GRIK2: variants seen among roughly 807,000 people sequenced by gnomAD.
GRIK2 encodes the protein glutamate receptor ionotropic, kainate 2.
In GRIK2, 32 loss-of-function variants were observed where a neutral mutation model predicts 100.3. The observed-to-expected ratio is 0.32, with a 90% CI of 0.24 to 0.43. GRIK2 has a LOEUF of 0.43. Among genes scored for constraint, GRIK2 ranks in the 20% least tolerant of loss-of-function variants. The pLI is 1.00. For synonymous variants in GRIK2, 417 were observed against 389.4 expected (o/e 1.07, Z -0.83); for missense variants, 843 against 1,114.9 (o/e 0.76, Z 3.47).
chr6:101,619,601 A>G (rs1161130967), intron 2 of GRIK2, among the ~76,000 whole-genome samples: 1 of 151,990 alleles, frequency 6.6e-6, no homozygotes. Flanking sequence ...TAGAAGATTC[A>G]GTTTTTTGTT....
At chr6:101,780,423 A>C (rs1348782612) in intron 7 of GRIK2, among the ~76,000 whole-genome samples, 1 of 152,044 alleles carries the variant, frequency 6.6e-6, no homozygotes, top group Non-Finnish European at 1.5e-5. Context: ...AATTACTTTA[A>C]CCTTCCTATC....
chr6:101,987,641 C>A (rs1475692996), intron 14 of GRIK2, among the ~76,000 whole-genome samples: 1 of 149,686 alleles, frequency 6.7e-6, no homozygotes, highest in African/African-American at 2.4e-5. Flanking sequence ...ATTATTAAGA[C>A]AATAATATAT....
chr6:101,528,430 TA>T (rs775981165), intron 2 of GRIK2, among the ~76,000 whole-genome samples: 29 of 152,256 alleles, frequency 1.9e-4, no homozygotes, highest in Non-Finnish European at 4.0e-4. Context: ...TCAGGTCAAT[TA>T]AGGTTAGGTT....
At chr6:101,832,487 A>G (rs1417686963) in intron 10 of GRIK2, among the ~76,000 whole-genome samples, 1 of 152,196 alleles carries the variant, frequency 6.6e-6, no homozygotes, top group Admixed American at 6.5e-5. Flanking sequence ...AAGTTAGGCC[A>G]TAAGAATATT....
chr6:101,995,459 A>G (rs9390797), intron 14 of GRIK2, among the ~76,000 whole-genome samples: 56,018 of 151,780 alleles, frequency 0.37, 10,880 homozygotes, highest in South Asian at 0.47. Context: ...AACTCTTGAC[A>G]TTAATGATAT....
intron 15 of GRIK2, among the ~76,000 whole-genome samples, chr6:102,041,378 A>ACTGT (rs1257580370): frequency 6.6e-6 from 1 of 151,688 alleles, no homozygotes; most frequent in African/African-American, 2.4e-5. Flanking sequence ...TTAGCCACAG[A>ACTGT]CTGTCAGACT....
intron 7 of GRIK2, among the ~76,000 whole-genome samples, chr6:101,693,098 C>T (rs1772223771): frequency 6.6e-6 from 1 of 152,016 alleles, no homozygotes; most frequent in African/African-American, 2.4e-5. Context: ...CGTCTAATTG[C>T]CTTTTCTCAT....
At chr6:101,839,612 G>A (rs1187485791) in intron 10 of GRIK2, among the ~76,000 whole-genome samples, 2 of 152,152 alleles carry the variant, frequency 1.3e-5, no homozygotes, top group Non-Finnish European at 2.9e-5. Flanking sequence ...TTTGAAGGTG[G>A]AATTGTTGTT....
intron 2 of GRIK2, among the ~76,000 whole-genome samples, chr6:101,567,486 C>G (rs531817958): frequency 6.6e-6 from 1 of 151,878 alleles, no homozygotes; most frequent in African/African-American, 2.4e-5. Context: ...TCTTTTATTG[C>G]TTAGGTGTTA....
At chr6:101,793,359 A>G (rs1299036060) in intron 7 of GRIK2, among the ~76,000 whole-genome samples, 4 of 151,918 alleles carry the variant, frequency 2.6e-5, no homozygotes, top group African/African-American at 9.7e-5. Flanking sequence ...TTGGTCTTTG[A>G]TGATGGTGAT....
intron 14 of GRIK2, among the ~76,000 whole-genome samples, chr6:101,944,280 A>G (rs1226112210): frequency 6.6e-6 from 1 of 152,174 alleles, no homozygotes; most frequent in East Asian, 1.9e-4. Flanking sequence ...GTAGTTCTTT[A>G]TAGAAGTGTG....
intron 7 of GRIK2, among the ~76,000 whole-genome samples, chr6:101,727,357 C>G (rs549375037): frequency 1.3e-5 from 2 of 151,982 alleles, no homozygotes; most frequent in African/African-American, 4.8e-5. Flanking sequence ...TAATACAGAG[C>G]TAGTGAAAAT....
intron 12 of GRIK2, among the ~76,000 whole-genome samples, chr6:101,900,063 A>G (rs1005430841): frequency 6.6e-6 from 1 of 152,286 alleles, no homozygotes; most frequent in Admixed American, 6.5e-5. Flanking sequence ...AGAAATGTGT[A>G]TTTATTTTAA....
Position 101,626,588 on chromosome 6 carries a change from G to C in GRIK2, c.492G>C (p.Val164=). 6.2e-7 allele frequency: 1 copy of C among 1,613,844 alleles called. No individual in the cohort carries two copies. The highest frequency in any genetic ancestry group is 8.5e-7 in the Non-Finnish European group (1 of 1,179,804). ...SSLSRAILDL[V]QFFKWKTVTV... is the part of the protein sequence containing the mutation. ...TCAGCCGTGCCATTTTAGACCTGGT[G>C]CAGTTTTTCAAGTGGAAAACCGTCA... Residue 164 remains valine, a synonymous_variant, in exon 4 of 17, where the codon GTG becomes GTC. Coordinates refer to ENST00000369134, the MANE Select transcript of GRIK2 (RefSeq NM_021956.5).
At chr6:102,022,143 T>TACACACAC (rs3995831) in intron 14 of GRIK2, among the ~76,000 whole-genome samples, 4 of 133,156 alleles carry the variant, frequency 3.0e-5, no homozygotes, top group Admixed American at 1.5e-4. Context: ...AACACACACA[T>TACACACAC]ACACACACAC....
In GRIK2 at chr6:101,572,175, A is replaced by G. The variant is rs116871408; in HGVS notation, c.116-49774A>G. Among the ~76,000 whole-genome samples the G allele has an allele frequency of 7.6e-3, 1,154 of 152,266 alleles. 8 individuals carry two copies. Among genetic ancestry groups the G allele is most frequent in the South Asian group, 0.021 (103 of 4,828 alleles). The stretch of plus-strand genomic sequence containing the variant: ...ATTTTAATAAAAAATTCTTACACAG[A>G]TATTAGCAGCCACAGAGGTACTTCT... On this transcript the variant is annotated intron_variant, in intron 2 of 16. Transcript: ENST00000369134.
chr6:101,517,390 C>T (rs1001964321), intron 2 of GRIK2, among the ~76,000 whole-genome samples: 14 of 151,990 alleles, frequency 9.2e-5, no homozygotes, highest in African/African-American at 3.4e-4. Context: ...GCTCCTGCAC[C>T]CTTTGATAGC....
At chr6:101,809,315 T>C (rs888628772) in intron 9 of GRIK2, among the ~76,000 whole-genome samples, 3 of 152,056 alleles carry the variant, frequency 2.0e-5, no homozygotes, top group Non-Finnish European at 2.9e-5. Context: ...AAGTGCTTTT[T>C]GAATATTTTT....
chr6:101,984,317 T>C (rs1380919859), intron 14 of GRIK2, among the ~76,000 whole-genome samples: 2 of 151,632 alleles, frequency 1.3e-5, no homozygotes, highest in African/African-American at 2.4e-5. Context: ...ATGGGAAATG[T>C]AGGAAATGAG....
Sources: allele counts gnomAD v4.1 joint callset (sites outside exome capture counted in the v4.1 genomes callset), GRCh38; gene constraint gnomAD v4.1.1; transcripts MANE v1.5; gene names NCBI Gene and HGNC (gene_info 2026-07-23, HGNC 2026-07-21).